The following RHOBTB1 variants were observed in gnomAD, a reference collection of about 807,000 sequenced individuals.
RHOBTB1 encodes rho-related BTB domain-containing protein 1.
A neutral mutation model predicts 71.6 loss-of-function variants in RHOBTB1; 40 were observed. That is an observed-to-expected ratio of 0.56 (90% CI 0.43 to 0.73). The LOEUF is 0.73. RHOBTB1 is among the 30% of genes least tolerant of loss of function. RHOBTB1 has a pLI of 0.00. For missense variants in RHOBTB1, 797 were observed against 894.0 expected (o/e 0.89, Z 1.38); for synonymous variants, 319 against 334.9 (o/e 0.95, Z 0.52).
chr10:60,903,572 G>A (rs562836021), intron 4 of RHOBTB1, among the ~76,000 whole-genome samples: 3 of 152,164 alleles, frequency 2.0e-5, no homozygotes, highest in African/African-American at 4.8e-5. Flanking sequence ...TTCACAGAAC[G>A]TGGTGTTCTC....
intron 2 of RHOBTB1, among the ~76,000 whole-genome samples, chr10:60,918,143 T>A (rs942475373): frequency 6.6e-6 from 1 of 152,212 alleles, no homozygotes; most frequent in Non-Finnish European, 1.5e-5. Flanking sequence ...GTGCTGGGAA[T>A]ATATGCTTAT....
chr10:60,994,718 C>T (rs910455650), intron 1 of RHOBTB1, among the ~76,000 whole-genome samples: 1 of 152,098 alleles, frequency 6.6e-6, no homozygotes, highest in East Asian at 1.9e-4. Flanking sequence ...GAGATGCTCT[C>T]CAGGTGCTTA....
intron 2 of RHOBTB1, among the ~76,000 whole-genome samples, chr10:60,963,849 G>A (rs554034036): frequency 6.6e-6 from 1 of 152,160 alleles, no homozygotes; most frequent in East Asian, 1.9e-4. Flanking sequence ...ATCTAATAAT[G>A]GTTCTTAGAC....
At position 60,872,298 on chromosome 10, in the gene RHOBTB1, A is replaced by T; in HGVS notation, c.1816-8T>A. 1 of 1,600,220 alleles carries T rather than the reference A, an allele frequency of 6.2e-7. No homozygotes were observed. The highest frequency in any genetic ancestry group is 8.6e-7 in the Non-Finnish European group (1 of 1,167,378). ...CTGGTGGGCATTGTGAAACTGCAGA[A>T]AAGTGAGCAAAAGGAGGGTAAGACT... On this transcript the variant is annotated splice_polypyrimidine_tract_variant and splice_region_variant and intron_variant, in intron 9 of 10. Coordinates refer to ENST00000337910, the MANE Select transcript of RHOBTB1 (RefSeq NM_014836.5).
chr10:60,893,524 T>G (rs970798832), intron 4 of RHOBTB1, among the ~76,000 whole-genome samples: 1 of 152,180 alleles, frequency 6.6e-6, no homozygotes, highest in African/African-American at 2.4e-5. Flanking sequence ...TATGCACACA[T>G]GTAGACAGCA....
At chr10:60,930,294 T>C (rs2084165688) in intron 2 of RHOBTB1, among the ~76,000 whole-genome samples, 1 of 152,202 alleles carries the variant, frequency 6.6e-6, no homozygotes, top group African/African-American at 2.4e-5. Flanking sequence ...TGGGGATAAT[T>C]ATCTCCTTCC....
intron 4 of RHOBTB1, among the ~76,000 whole-genome samples, chr10:60,901,299 A>C (rs10821853): frequency 0.29 from 44,723 of 152,122 alleles, 8,878 homozygotes; most frequent in African/African-American, 0.57. Flanking sequence ...TAATCATGGC[A>C]AATATTAGAA....
chr10:60,941,020 C>T (rs755275538), intron 2 of RHOBTB1, among the ~76,000 whole-genome samples: 1 of 152,158 alleles, frequency 6.6e-6, no homozygotes, highest in African/African-American at 2.4e-5. Flanking sequence ...AGAAAGTACA[C>T]ATGAATACTT....
chr10:60,933,563 T>C (rs1399780058), intron 2 of RHOBTB1, among the ~76,000 whole-genome samples: 2 of 151,722 alleles, frequency 1.3e-5, no homozygotes, highest in African/African-American at 4.8e-5. Flanking sequence ...CTACTAAAAA[T>C]ATAAAAATTA....
At chr10:60,976,249 A>T (rs556277616) in intron 2 of RHOBTB1, among the ~76,000 whole-genome samples, 2 of 151,946 alleles carry the variant, frequency 1.3e-5, no homozygotes, top group Admixed American at 1.3e-4. Context: ...TAAAGGAGAA[A>T]ATTTATGTAC....
intron 2 of RHOBTB1, among the ~76,000 whole-genome samples, chr10:60,932,555 C>G (rs1014098873): frequency 7.0e-6 from 1 of 142,270 alleles, no homozygotes; most frequent in African/African-American, 2.6e-5. Context: ...AAACCCTACA[C>G]ATGGATTTTG....
At chr10:61,001,640 G>A (rs998208898), upstream of RHOBTB1, among the ~76,000 whole-genome samples, 20 of 152,104 alleles carry the variant, frequency 1.3e-4, no homozygotes, top group Admixed American at 7.8e-4. Context: ...CCACATCCTC[G>A]CGGCCTGCCG....
intron 2 of RHOBTB1, among the ~76,000 whole-genome samples, chr10:60,974,121 A>G (rs1342377302): frequency 6.6e-6 from 1 of 152,098 alleles, no homozygotes; most frequent in African/African-American, 2.4e-5. Flanking sequence ...AAAATATTTT[A>G]CCTGTGCATC....
At chr10:60,911,144 C>T (rs2133386865) in intron 3 of RHOBTB1, among the ~76,000 whole-genome samples, 154 bp from the exon 4 acceptor site, 1 of 152,330 alleles carries the variant, frequency 6.6e-6, no homozygotes, top group South Asian at 2.1e-4. Flanking sequence ...TAATTCCCTT[C>T]CTGGAATCAT....
intron 1 of RHOBTB1, among the ~76,000 whole-genome samples, chr10:60,990,358 T>A (rs1320113343): frequency 2.6e-5 from 4 of 152,054 alleles, no homozygotes; most frequent in African/African-American, 9.7e-5. Flanking sequence ...GGCCAATGAT[T>A]TTTCTCTCTA....
chr10:60,916,923 T>A (rs1864763), intron 2 of RHOBTB1, among the ~76,000 whole-genome samples: 83,587 of 151,924 alleles, frequency 0.55, 23,277 homozygotes, highest in East Asian at 0.77. Flanking sequence ...AAATATGAAG[T>A]TGCTATACTG....
At chr10:60,938,056 G>A (rs958714995) in intron 2 of RHOBTB1, among the ~76,000 whole-genome samples, 5 of 152,148 alleles carry the variant, frequency 3.3e-5, no homozygotes, top group African/African-American at 4.8e-5. Flanking sequence ...AAAAAGCATC[G>A]AACAGATCAC....
chr10:60,981,124 G>A (rs1321464870), intron 2 of RHOBTB1, among the ~76,000 whole-genome samples: 1 of 152,002 alleles, frequency 6.6e-6, no homozygotes, highest in East Asian at 1.9e-4. Context: ...TTTTTGAAAT[G>A]AGTCTAAGAT....
At chr10:60,864,467 G>A (rs1242959622), downstream of RHOBTB1, among the ~76,000 whole-genome samples, 1 of 152,160 alleles carries the variant, frequency 6.6e-6, no homozygotes, top group Non-Finnish European at 1.5e-5. Flanking sequence ...AAAACTGAAA[G>A]AGCATATAAA....
Sources: allele counts gnomAD v4.1 joint callset (sites outside exome capture counted in the v4.1 genomes callset), GRCh38; gene constraint gnomAD v4.1.1; transcripts MANE v1.5; gene names NCBI Gene and HGNC (gene_info 2026-07-23, HGNC 2026-07-21).